Variants in R3HDM1 observed in about 807,000 individuals in gnomAD.
R3HDM1 encodes R3H domain containing 1, also known as R3H domain-containing protein 1.
Under a neutral mutation model 141.1 loss-of-function variants are expected in R3HDM1, and 46 were observed. The ratio of observed to expected loss-of-function variants is 0.33; its 90% confidence interval spans 0.26 to 0.42. The LOEUF (loss-of-function observed/expected upper bound fraction) is 0.42. Ranked by LOEUF, R3HDM1 falls within the 10% of genes least tolerant of loss-of-function variation. The pLI is 1.00. For synonymous variants in R3HDM1, 435 were observed against 472.9 expected, an observed-to-expected ratio of 0.92 and a Z score of 1.04; for missense variants, 1,184 against 1,368.3, an observed-to-expected ratio of 0.87 and a Z score of 2.12.
intron 25 of R3HDM1, 142 bp from the exon 26 acceptor site, chr2:135,722,327 A>T: frequency 2.5e-6 from 2 of 809,812 alleles, no homozygotes; most frequent in Non-Finnish European, 3.9e-6. Context: ...CCACAGGCAG[A>T]ATCCAGAAGG....
chr2:135,543,204 T>C (rs1697994133), intron 1 of R3HDM1: 1 of 506,124 alleles, frequency 2.0e-6, no homozygotes, highest in Non-Finnish European at 2.6e-6. Context: ...TCTAGTTTTC[T>C]GCACCATTAG....
intron 1 of R3HDM1, among the ~76,000 whole-genome samples, chr2:135,570,465 CAAG>C (rs1358110674): frequency 6.6e-6 from 1 of 152,182 alleles, no homozygotes; most frequent in African/African-American, 2.4e-5. Flanking sequence ...TTCAGCCTCT[CAAG>C]AATCTATTTT....
At chr2:135,666,580 G>A (rs1340549259) in intron 19 of R3HDM1, among the ~76,000 whole-genome samples, 1 of 152,140 alleles carries the variant, frequency 6.6e-6, no homozygotes, top group Non-Finnish European at 1.5e-5. Flanking sequence ...AGATTTCCTT[G>A]AGTTGTATAG....
At chr2:135,657,481 T>C (rs1212748135) in intron 18 of R3HDM1, among the ~76,000 whole-genome samples, 1 of 152,116 alleles carries the variant, frequency 6.6e-6, no homozygotes, top group Non-Finnish European at 1.5e-5. Context: ...GATTACTTTC[T>C]GATACCTCCA....
chr2:135,632,372 G>A (rs139149475), intron 9 of R3HDM1, among the ~76,000 whole-genome samples: 10 of 149,878 alleles, frequency 6.7e-5, no homozygotes, highest in Admixed American at 4.6e-4. Context: ...GACTTTGTCC[G>A]TGACACCCTC....
At chr2:135,535,476 C>T (rs987145502) in intron 1 of R3HDM1, among the ~76,000 whole-genome samples, 6 of 149,358 alleles carry the variant, frequency 4.0e-5, no homozygotes, top group African/African-American at 1.2e-4. Context: ...TCCAGCCTGG[C>T]GACAGAGCAA....
chr2:135,670,599 A>T (rs891311555), intron 19 of R3HDM1: 1 of 178,366 alleles, frequency 5.6e-6, no homozygotes, highest in Non-Finnish European at 1.1e-5. Flanking sequence ...CTCTGCATGG[A>T]AAATTAGGCT....
intron 20 of R3HDM1, among the ~76,000 whole-genome samples, chr2:135,678,593 A>G (rs1252793917): frequency 6.6e-6 from 1 of 151,734 alleles, no homozygotes; most frequent in African/African-American, 2.4e-5. Context: ...CCTGAAAAAT[A>G]CCTTCTTAGG....
chr2:135,618,206 CG>C (rs2061217573), intron 5 of R3HDM1, among the ~76,000 whole-genome samples: 1 of 150,340 alleles, frequency 6.7e-6, no homozygotes, highest in African/African-American at 2.5e-5. Context: ...TCTTGTTGAC[CG>C]GGCTGGAGTG....
intron 1 of R3HDM1, among the ~76,000 whole-genome samples, chr2:135,551,346 G>A (rs576889150): frequency 6.6e-6 from 1 of 152,318 alleles, no homozygotes; most frequent in South Asian, 2.1e-4. Context: ...AAGAAGGAAA[G>A]AGAATTATAA....
intron 3 of R3HDM1, among the ~76,000 whole-genome samples, chr2:135,608,833 C>A (rs988612438): frequency 6.6e-6 from 1 of 152,114 alleles, no homozygotes; most frequent in African/African-American, 2.4e-5. Flanking sequence ...CTCTACTTTG[C>A]TCTCATTCTG....
rs182808368 is a variant in R3HDM1 at position 135,686,883 on chromosome 2, A to T, written c.2459+6559A>T. ...CCAGTCACAGGACAAATACTGCCTT[A>T]TTCCACAGTATGACCTCTAAAATAG... On this transcript the variant is annotated intron_variant, in intron 21 of 26. Coordinates refer to ENST00000683871, the MANE Select transcript of R3HDM1 (RefSeq NM_001378107.1). Among the ~76,000 whole-genome samples, 37 of 152,370 alleles carry T rather than the reference A, an allele frequency of 2.4e-4. No homozygotes were observed. In the East Asian group the frequency reaches 7.1e-3, roughly 29 times the overall value.
intron 9 of R3HDM1, among the ~76,000 whole-genome samples, chr2:135,634,233 C>A (rs1160291930): frequency 6.6e-6 from 1 of 152,168 alleles, no homozygotes; most frequent in Non-Finnish European, 1.5e-5. Flanking sequence ...ATAGAAATTT[C>A]ATTAACTTGC....
chr2:135,532,440 T>G (rs1213878586), intron 1 of R3HDM1, among the ~76,000 whole-genome samples: 1 of 152,132 alleles, frequency 6.6e-6, no homozygotes, highest in Non-Finnish European at 1.5e-5. Context: ...GAAACTTAAA[T>G]TATTGGGACT....
intron 3 of R3HDM1, among the ~76,000 whole-genome samples, chr2:135,608,983 G>A (rs1295602089): frequency 3.3e-5 from 5 of 152,136 alleles, no homozygotes; most frequent in Non-Finnish European, 5.9e-5. Flanking sequence ...AAAACTGCAC[G>A]TTTAATATAT....
chr2:135,637,757 T>C (rs1177157715), intron 11 of R3HDM1, among the ~76,000 whole-genome samples: 2 of 152,184 alleles, frequency 1.3e-5, no homozygotes, highest in Non-Finnish European at 2.9e-5. Flanking sequence ...TTTAAGATGA[T>C]TGGACTTCTG....
chr2:135,615,212 T>G (rs920998317), intron 3 of R3HDM1, among the ~76,000 whole-genome samples: 8 of 151,978 alleles, frequency 5.3e-5, no homozygotes, highest in Middle Eastern at 3.4e-3. Context: ...TTCTGTTGAC[T>G]CTACAAGGAA....
intron 3 of R3HDM1, among the ~76,000 whole-genome samples, chr2:135,610,853 C>T (rs1559236586): frequency 6.6e-6 from 1 of 152,076 alleles, no homozygotes; most frequent in Non-Finnish European, 1.5e-5. Context: ...GTGGCTCCTG[C>T]CAGCACTTTG....
At chr2:135,559,144 C>T (rs1414009339) in intron 1 of R3HDM1, 25 of 751,606 alleles carry the variant, frequency 3.3e-5, no homozygotes, top group Non-Finnish European at 4.0e-5. Context: ...CAGGGCCTCG[C>T]TTGGTCTCCC....
Sources: allele counts gnomAD v4.1 joint callset (sites outside exome capture counted in the v4.1 genomes callset), GRCh38; gene constraint gnomAD v4.1.1; transcripts MANE v1.5; gene names NCBI Gene and HGNC (gene_info 2026-07-23, HGNC 2026-07-21).